Variants in ZFYVE1 observed in about 807,000 individuals in gnomAD.
ZFYVE1 encodes the protein zinc finger FYVE-type containing 1, also known as zinc finger FYVE domain-containing protein 1.
ZFYVE1 carries 30 observed loss-of-function variants against 74.4 expected under a neutral mutation model. The observed-to-expected ratio is 0.40, with a 90% CI of 0.30 to 0.55. The LOEUF is 0.55. ZFYVE1 is among the 20% of genes least tolerant of loss of function. The pLI is 0.42. For synonymous variants in ZFYVE1, 335 were observed against 385.1 expected (o/e 0.87, Z 1.52); for missense variants, 703 against 1,011.6 (o/e 0.69, Z 4.14).
At chr14:72,974,623 C>T (rs1249846714) in intron 10 of ZFYVE1, among the ~76,000 whole-genome samples, 156 bp downstream of exon 10, 2 of 152,322 alleles carry the variant, frequency 1.3e-5, no homozygotes, top group Middle Eastern at 3.4e-3. Flanking sequence ...CCATAGGACG[C>T]TGTTAACAAG....
chr14:73,026,366 C>T (rs1454590962), intron 1 of ZFYVE1, among the ~76,000 whole-genome samples: 3 of 152,116 alleles, frequency 2.0e-5, no homozygotes, highest in African/African-American at 7.2e-5. Flanking sequence ...AAGGCCCCGA[C>T]AAGGTGTAAA....
At chr14:73,017,748 T>C (rs1894231074) in intron 2 of ZFYVE1, among the ~76,000 whole-genome samples, 1 of 152,154 alleles carries the variant, frequency 6.6e-6, no homozygotes, top group South Asian at 2.1e-4. Flanking sequence ...ACCACTTCTT[T>C]CCCCACCCTC....
At position 72,981,685 on chromosome 14, in the gene ZFYVE1, CA is replaced by C. The variant is rs1893333729; in HGVS notation, c.1310+103del. On this transcript the variant is annotated intron_variant, in intron 5 of 11. Coordinates refer to ENST00000556143, the MANE Select transcript of ZFYVE1 (RefSeq NM_021260.4). Reference sequence around the variant, plus strand: ...ATTTAAATCAGAACCTGTAATTTAGCAAGATCCCAGGGGATCTGCATCCACA... The same window carrying C: ...ATTTAAATCAGAACCTGTAATTTAGCAGATCCCAGGGGATCTGCATCCACA... 1.6e-5 allele frequency: 17 copies of C among 1,056,610 alleles called. No individual in the cohort carries two copies. The South Asian group carries it at 2.1e-4, about 13-fold the overall frequency. The allele number at this position is 1,056,610 out of a possible 1,614,324, so 65.5% of individuals were successfully genotyped here. A position where few individuals can be genotyped will look rare whatever the true frequency, so the allele number is the denominator to read the frequency against.
In ZFYVE1 at chr14:73,024,133, G is replaced by T. The variant is rs1894404265; in HGVS notation, c.376C>A (p.Leu126Ile). 1 of 1,614,154 alleles carries T rather than the reference G, an allele frequency of 6.2e-7. No individual in the cohort carries two copies. Among genetic ancestry groups the T allele is most frequent in the East Asian group, 2.2e-5 (1 of 44,876 alleles). ...HPVTVYNVSN[L>I]QESLEAEEMD... ...TCTTCTGCCTCCAGTGACTCCTGGA[G>T]ATTACTGACATTGTACACAGTAACA... is the stretch of plus-strand genomic sequence containing the variant. The change falls in exon 2 of 12, where the codon CTC (leucine) becomes ATC (isoleucine). Residue 126 changes from leucine (L) to isoleucine (I), a missense_variant. Leu to Ile is a conservative substitution (Grantham distance 5). Transcript: ENST00000556143.
At chr14:73,011,929 G>C (rs1193360154) in intron 2 of ZFYVE1, among the ~76,000 whole-genome samples, 1 of 151,328 alleles carries the variant, frequency 6.6e-6, no homozygotes, top group African/African-American at 2.4e-5. Flanking sequence ...TCAAAAGAAT[G>C]ATATGGCCCA....
At chr14:73,008,253 G>A (rs1170004142) in intron 2 of ZFYVE1, among the ~76,000 whole-genome samples, 1 of 152,174 alleles carries the variant, frequency 6.6e-6, no homozygotes, top group African/African-American at 2.4e-5. Context: ...TCTGCCTCCC[G>A]GGTGCAAGTG....
At chr14:73,016,184 G>A (rs1385846025) in intron 2 of ZFYVE1, among the ~76,000 whole-genome samples, 2 of 152,006 alleles carry the variant, frequency 1.3e-5, no homozygotes, top group African/African-American at 4.8e-5. Flanking sequence ...TAGATGACTC[G>A]TCAGCATGAA....
intron 2 of ZFYVE1, among the ~76,000 whole-genome samples, chr14:73,020,949 CT>C (rs1038313504): frequency 2.6e-5 from 4 of 152,036 alleles, no homozygotes; most frequent in African/African-American, 7.2e-5. Context: ...GGCCCGGCTG[CT>C]CTAGAACTCC....
intron 1 of ZFYVE1, among the ~76,000 whole-genome samples, chr14:73,026,670 T>G (rs375114706): frequency 1.3e-5 from 2 of 149,894 alleles, no homozygotes; most frequent in Non-Finnish European, 3.0e-5. Flanking sequence ...TCCTCACCCT[T>G]CCTTCCACCC....
At chr14:72,997,364 A>G (rs1279040105) in intron 3 of ZFYVE1, among the ~76,000 whole-genome samples, 1 of 151,076 alleles carries the variant, frequency 6.6e-6, no homozygotes, top group Non-Finnish European at 1.5e-5. Context: ...TTCTTCTCCT[A>G]ATCTTATTTT....
chr14:73,011,860 T>C (rs1029336838), intron 2 of ZFYVE1, among the ~76,000 whole-genome samples: 1 of 150,604 alleles, frequency 6.6e-6, no homozygotes, highest in Non-Finnish European at 1.5e-5. Flanking sequence ...AAGAAACCTA[T>C]AATAAGATTG....
At chr14:73,005,345 C>A (rs2140374661) in intron 2 of ZFYVE1, among the ~76,000 whole-genome samples, 1 of 152,260 alleles carries the variant, frequency 6.6e-6, no homozygotes, top group South Asian at 2.1e-4. Flanking sequence ...CACTCAGTGA[C>A]CCCATGGTGC....
rs1376463547 is a variant in ZFYVE1 at position 72,970,024 on chromosome 14, G to C, written c.*858C>G. ...CAGAAGCAGATGGTGGGCTTGAGGG[G>C]GCCGAGGGGTGGGAGGCAGATGCTT... On this transcript the variant is annotated 3_prime_UTR_variant, in exon 12 of 12. Coordinates refer to ENST00000556143, the MANE Select transcript of ZFYVE1 (RefSeq NM_021260.4). The C allele has an allele frequency of 2.3e-6, 1 of 428,278 alleles. No homozygotes were observed. Among genetic ancestry groups the C allele is most frequent in the Non-Finnish European group, 4.1e-6 (1 of 241,262 alleles). 26.5% of individuals were successfully genotyped at this position (428,278 alleles called of 1,614,324 possible).
At chr14:72,990,689 C>CT (rs369030778) in intron 4 of ZFYVE1, among the ~76,000 whole-genome samples, 15,016 of 66,148 alleles carry the variant, frequency 0.23, 4,819 homozygotes, top group Non-Finnish European at 0.3. Context: ...CGCACCTGGC[C>CT]TTTTTTTTTT....
Position 72,978,903 on chromosome 14 carries a change from G to A in ZFYVE1, c.1377C>T (p.Cys459=), listed in dbSNP as rs756140147. ...EGVPHEAKSR[C]RYSHQYDNRV... ...GGTTGTCATACTGGTGGGAGTATCTGCAGCGGCTCTTGGCTTCATGAGGCA... is the reference window on the plus strand; with the variant it reads ...GGTTGTCATACTGGTGGGAGTATCTACAGCGGCTCTTGGCTTCATGAGGCA... Residue 459 remains cysteine, a synonymous_variant, in exon 6 of 12, where the codon TGC becomes TGT. Transcript: ENST00000556143. 2 of 1,614,114 alleles carry A rather than the reference G, an allele frequency of 1.2e-6. No individual in the cohort carries two copies. Among genetic ancestry groups the A allele is most frequent in the Non-Finnish European group, 1.7e-6 (2 of 1,179,992 alleles).
At chr14:72,971,192 G>T in intron 11 of ZFYVE1, 78 bp from the exon 12 acceptor site, 2 of 1,423,122 alleles carry the variant, frequency 1.4e-6, no homozygotes, top group Non-Finnish European at 1.9e-6. Context: ...ATCCTCGGAT[G>T]CTTACTGGCT....
intron 3 of ZFYVE1, among the ~76,000 whole-genome samples, chr14:72,996,299 T>G (rs1893746936): frequency 6.6e-6 from 1 of 152,228 alleles, no homozygotes; most frequent in Non-Finnish European, 1.5e-5. Flanking sequence ...ATTAAGCTTT[T>G]GAAAAGATCA....
intron 4 of ZFYVE1, 39 bp from the exon 5 acceptor site, chr14:72,981,934 A>T (rs377102928): frequency 6.6e-7 from 1 of 1,517,308 alleles, no homozygotes; most frequent in Non-Finnish European, 9.1e-7. Flanking sequence ...GGCACTCAGT[A>T]GAGAGCTCCG....
intron 11 of ZFYVE1, among the ~76,000 whole-genome samples, chr14:72,973,103 C>T (rs1216278871): frequency 2.0e-5 from 3 of 152,196 alleles, no homozygotes; most frequent in African/African-American, 7.2e-5. Context: ...GACACTCCTG[C>T]CCCCTCCCTT....
Sources: allele counts gnomAD v4.1 joint callset (sites outside exome capture counted in the v4.1 genomes callset), GRCh38; gene constraint gnomAD v4.1.1; transcripts MANE v1.5; gene names NCBI Gene and HGNC (gene_info 2026-07-23, HGNC 2026-07-21).